ADGRV1: variants seen among roughly 807,000 people sequenced by gnomAD.
ADGRV1 encodes the protein adhesion G protein-coupled receptor V1.
A neutral mutation model predicts 596.2 loss-of-function variants in ADGRV1; 359 were observed. The observed-to-expected ratio is 0.60, with a 90% confidence interval of 0.55 to 0.66. The LOEUF is 0.66. Ranked by LOEUF, ADGRV1 falls within the 30% of genes least tolerant of loss-of-function variation. ADGRV1 has a pLI of 0.00. For synonymous variants in ADGRV1, 2,681 were observed against 2,679.2 expected, an observed-to-expected ratio of 1.00 and a Z score of -0.02; for missense variants, 7,274 against 7,575.6, an observed-to-expected ratio of 0.96 and a Z score of 1.48.
At chr5:90,750,089 T>C (rs1381831849) in intron 52 of ADGRV1, among the ~76,000 whole-genome samples, 2 of 152,302 alleles carry the variant, frequency 1.3e-5, no homozygotes, top group Admixed American at 1.3e-4. Flanking sequence ...GGAAACCATA[T>C]AGGTCAAGCT....
At chr5:90,817,229 C>G (rs1762988983) in intron 75 of ADGRV1, among the ~76,000 whole-genome samples, 1 of 150,872 alleles carries the variant, frequency 6.6e-6, no homozygotes, top group African/African-American at 2.5e-5. Flanking sequence ...AGTGTCTGTT[C>G]ATGTCCTTCA....
chr5:90,992,295 G>A (rs529450287), intron 85 of ADGRV1, among the ~76,000 whole-genome samples: 13 of 152,188 alleles, frequency 8.5e-5, no homozygotes, highest in Middle Eastern at 3.4e-3. Context: ...TTTTTATGGC[G>A]ATTAATTATA....
At chr5:90,654,219 G>T (rs1769072072) in intron 20 of ADGRV1, 3 of 437,178 alleles carry the variant, frequency 6.9e-6, no homozygotes, top group Non-Finnish European at 1.2e-5. Context: ...ATGACACCCT[G>T]TAGGAAGACA....
In ADGRV1 at chr5:90,787,081, G is replaced by A. The variant is rs150098661; in HGVS notation, c.13654-990G>A. ...GAGAAGCTTGAGAAGTAAAGGAGGA[G>A]GAAAACTAGGAAAGCAGGTGGCACA... On this transcript the variant is annotated intron_variant, in intron 67 of 89. Coordinates refer to ENST00000405460, the MANE Select transcript of ADGRV1 (RefSeq NM_032119.4). Among the ~76,000 whole-genome samples the A allele has an allele frequency of 5.3e-5, 8 of 152,240 alleles. No individual in the cohort carries two copies. The South Asian group carries it at 1.2e-3, about 24-fold the overall frequency.
chr5:90,606,570 G>T (rs1401801850), intron 1 of ADGRV1, among the ~76,000 whole-genome samples: 2 of 152,146 alleles, frequency 1.3e-5, no homozygotes, highest in Non-Finnish European at 2.9e-5. Context: ...TTCGTGTTGG[G>T]AATTTATTTA....
In ADGRV1 at chr5:90,941,780, G is replaced by GT. The variant is rs1438076032; in HGVS notation, c.17857-23634dup. Among the ~76,000 whole-genome samples, 150 of 152,312 alleles carry GT rather than the reference G, an allele frequency of 9.8e-4. 2 individuals carry two copies. Among genetic ancestry groups the GT allele is most frequent in the African/African-American group, 3.5e-3 (146 of 41,568 alleles). On this transcript the variant is annotated intron_variant, in intron 83 of 89. Transcript: ENST00000405460. ...GGCGTGTATGTTGATGTTTCATTTA[G>GT]TAGATGCTATCCAGAATTAACTCAT...
intron 1 of ADGRV1, among the ~76,000 whole-genome samples, chr5:90,571,451 A>T (rs1756520345): frequency 6.6e-6 from 1 of 152,150 alleles, no homozygotes; most frequent in South Asian, 2.1e-4. Context: ...AGAAATTTTT[A>T]AATTTGCAAT....
At chr5:91,073,467 T>C (rs544299951) in intron 86 of ADGRV1, among the ~76,000 whole-genome samples, 13 of 152,344 alleles carry the variant, frequency 8.5e-5, no homozygotes, top group African/African-American at 3.1e-4. Context: ...ATAAGGTCTC[T>C]AGAATAGTGT....
intron 6 of ADGRV1, chr5:90,626,312 G>T (rs886306615): frequency 5.9e-5 from 9 of 152,100 alleles, no homozygotes; most frequent in African/African-American, 2.2e-4. Context: ...GGTTCTGGAA[G>T]CAAGCAAAAA....
intron 85 of ADGRV1, among the ~76,000 whole-genome samples, chr5:91,016,744 T>C (rs1480953987): frequency 6.6e-6 from 1 of 151,932 alleles, no homozygotes; most frequent in African/African-American, 2.4e-5. Flanking sequence ...TTTAGTTCAT[T>C]TTTTTGTTGT....
chr5:91,149,705 C>T (rs1355887519), intron 87 of ADGRV1, among the ~76,000 whole-genome samples: 18 of 151,768 alleles, frequency 1.2e-4, no homozygotes, highest in South Asian at 2.1e-4. Flanking sequence ...TGGTGGCACA[C>T]GCCCATAGTC....
At chr5:90,590,279 C>T (rs932883190) in intron 1 of ADGRV1, among the ~76,000 whole-genome samples, 1 of 152,186 alleles carries the variant, frequency 6.6e-6, no homozygotes, top group Non-Finnish European at 1.5e-5. Flanking sequence ...CTTAGCTGGG[C>T]TCTTCTTCCT....
intron 78 of ADGRV1, among the ~76,000 whole-genome samples, chr5:90,847,993 T>C (rs1172991603): frequency 6.6e-6 from 1 of 152,112 alleles, no homozygotes; most frequent in Non-Finnish European, 1.5e-5. Flanking sequence ...GCGAGGGCTG[T>C]GAGGGCTGCC....
intron 84 of ADGRV1, among the ~76,000 whole-genome samples, chr5:90,973,934 A>G (rs1041859143): frequency 1.3e-5 from 2 of 152,222 alleles, no homozygotes; most frequent in Non-Finnish European, 2.9e-5. Flanking sequence ...AGATGACATG[A>G]TTGTCTATTT....
intron 74 of ADGRV1, among the ~76,000 whole-genome samples, chr5:90,814,205 A>C (rs1762695925): frequency 6.6e-6 from 1 of 152,216 alleles, no homozygotes; most frequent in African/African-American, 2.4e-5. Flanking sequence ...CAAAACACAC[A>C]TGAGACCCTA....
intron 85 of ADGRV1, among the ~76,000 whole-genome samples, chr5:91,054,240 A>C (rs141884065): frequency 0.013 from 2,018 of 152,124 alleles, 43 homozygotes; most frequent in African/African-American, 0.047. Context: ...ATCCTAGTTT[A>C]TTTCTTTTTT....
chr5:91,138,238 A>G (rs1362314436), intron 87 of ADGRV1, among the ~76,000 whole-genome samples: 1 of 109,376 alleles, frequency 9.1e-6, no homozygotes, highest in African/African-American at 3.5e-5. Context: ...TGGGTTGGAG[A>G]AAAAAAAAAA....
intron 11 of ADGRV1, among the ~76,000 whole-genome samples, chr5:90,642,224 G>A (rs1348343419): frequency 6.6e-6 from 1 of 152,102 alleles, no homozygotes; most frequent in Non-Finnish European, 1.5e-5. Context: ...ATAAATTCAA[G>A]TGTATGTAAA....
intron 87 of ADGRV1, among the ~76,000 whole-genome samples, chr5:91,134,495 C>T (rs954368324): frequency 2.0e-5 from 3 of 152,156 alleles, no homozygotes; most frequent in African/African-American, 4.8e-5. Flanking sequence ...CGCCCAACTG[C>T]CTACTGCTTC....
Sources: allele counts gnomAD v4.1 joint callset (sites outside exome capture counted in the v4.1 genomes callset), GRCh38; gene constraint gnomAD v4.1.1; transcripts MANE v1.5; gene names NCBI Gene and HGNC (gene_info 2026-07-23, HGNC 2026-07-21).